Variants in GPC5 observed in about 807,000 individuals in gnomAD.
The protein encoded by GPC5 is glypican-5.
In GPC5, 47 loss-of-function variants were observed where a neutral mutation model predicts 53.9. The observed-to-expected ratio is 0.87, with a 90% CI of 0.69 to 1.11. GPC5 has a LOEUF of 1.11. Among genes scored for constraint, GPC5 ranks in the 50% most tolerant of loss-of-function variants. GPC5 has a pLI of 0.00. For synonymous variants in GPC5, 286 were observed against 263.3 expected, an observed-to-expected ratio of 1.09 and a Z score of -0.84; for missense variants, 748 against 713.1, an observed-to-expected ratio of 1.05 and a Z score of -0.56.
chr13:92,720,290 A>G (rs1216677455), intron 7 of GPC5, among the ~76,000 whole-genome samples: 1 of 152,190 alleles, frequency 6.6e-6, no homozygotes, highest in Non-Finnish European at 1.5e-5. Context: ...TATCATCCAT[A>G]TAGGCAGAAA....
chr13:92,233,849 C>G (rs944242593), intron 7 of GPC5, among the ~76,000 whole-genome samples: 1 of 151,998 alleles, frequency 6.6e-6, no homozygotes, highest in African/African-American at 2.4e-5. Context: ...TGATGTTCCC[C>G]TTCCTGTGTC....
intron 5 of GPC5, among the ~76,000 whole-genome samples, chr13:91,798,926 G>A (rs1035431211): frequency 6.6e-6 from 1 of 152,144 alleles, no homozygotes; most frequent in African/African-American, 2.4e-5. Context: ...GCATAAGATG[G>A]TGTCTCACTG....
intron 7 of GPC5, among the ~76,000 whole-genome samples, chr13:92,779,079 A>G (rs1448733254): frequency 6.6e-6 from 1 of 152,136 alleles, no homozygotes; most frequent in Non-Finnish European, 1.5e-5. Flanking sequence ...GACTGGGCAA[A>G]GAGACTTACT....
intron 6 of GPC5, among the ~76,000 whole-genome samples, chr13:92,059,266 C>T (rs2041102021): frequency 1.3e-5 from 2 of 150,940 alleles, no homozygotes; most frequent in Admixed American, 1.3e-4. Flanking sequence ...GGGTAATTAC[C>T]CATTATATAG....
intron 7 of GPC5, among the ~76,000 whole-genome samples, chr13:92,832,369 A>G (rs1878075974): frequency 6.6e-6 from 1 of 152,186 alleles, no homozygotes; most frequent in African/African-American, 2.4e-5. Flanking sequence ...ACTAGAACAC[A>G]AATTCTACAA....
intron 7 of GPC5, among the ~76,000 whole-genome samples, chr13:92,414,273 G>A (rs559272085): frequency 6.6e-6 from 1 of 152,216 alleles, no homozygotes; most frequent in African/African-American, 2.4e-5. Flanking sequence ...GGGAGGCTGA[G>A]GTGGGCTGAT....
At chr13:91,564,699 G>A (rs1194069837) in intron 2 of GPC5, among the ~76,000 whole-genome samples, 1 of 152,042 alleles carries the variant, frequency 6.6e-6, no homozygotes, top group Non-Finnish European at 1.5e-5. Flanking sequence ...TGAGATATGG[G>A]TGTAAATGGA....
chr13:91,667,344 C>T (rs2035139569), intron 2 of GPC5, among the ~76,000 whole-genome samples: 1 of 151,958 alleles, frequency 6.6e-6, no homozygotes, highest in East Asian at 1.9e-4. Context: ...TTTATATATG[C>T]CTTCTCTTTT....
intron 7 of GPC5, among the ~76,000 whole-genome samples, chr13:92,827,239 T>C (rs771027902): frequency 6.6e-6 from 1 of 152,004 alleles, no homozygotes; most frequent in Admixed American, 6.6e-5. Context: ...ACCTTCAGAG[T>C]AGGATTTTGC....
chr13:92,791,279 C>T (rs185050730), intron 7 of GPC5, among the ~76,000 whole-genome samples: 1 of 151,974 alleles, frequency 6.6e-6, no homozygotes, highest in South Asian at 2.1e-4. Flanking sequence ...TTTTCACTAA[C>T]TAAAAATTTA....
chr13:92,769,352 C>T (rs1268319908), intron 7 of GPC5, among the ~76,000 whole-genome samples: 1 of 151,976 alleles, frequency 6.6e-6, no homozygotes, highest in East Asian at 1.9e-4. Context: ...ACTGCAATGT[C>T]ATTTGTCTTC....
chr13:91,783,395 A>G (rs544509252), intron 5 of GPC5, among the ~76,000 whole-genome samples: 4 of 152,312 alleles, frequency 2.6e-5, no homozygotes, highest in African/African-American at 7.2e-5. Context: ...AACTGACAAA[A>G]GACAGTTTTA....
At chr13:92,445,748 C>T (rs1362102243) in intron 7 of GPC5, among the ~76,000 whole-genome samples, 1 of 151,894 alleles carries the variant, frequency 6.6e-6, no homozygotes, top group Non-Finnish European at 1.5e-5. Context: ...CAAGTCTTTG[C>T]TATCGTGAAT....
intron 7 of GPC5, among the ~76,000 whole-genome samples, chr13:92,503,426 T>C (rs1440117818): frequency 1.3e-5 from 2 of 151,734 alleles, no homozygotes; most frequent in African/African-American, 4.8e-5. Context: ...TAGCAGTTAA[T>C]GCTTACACAA....
At chr13:92,748,683 G>GT (rs1040235859) in intron 7 of GPC5, among the ~76,000 whole-genome samples, 6 of 151,944 alleles carry the variant, frequency 3.9e-5, no homozygotes, top group Admixed American at 1.3e-4. Context: ...ACAAATAGTT[G>GT]TTTTTTGTTT....
At chr13:92,493,158 T>C (rs2149061) in intron 7 of GPC5, among the ~76,000 whole-genome samples, 96,026 of 152,090 alleles carry the variant, frequency 0.63, 30,532 homozygotes, top group East Asian at 0.74. Flanking sequence ...TTAAAAATTC[T>C]CATCTGCATG....
At chr13:91,698,077 A>G (rs1376982942) in intron 3 of GPC5, among the ~76,000 whole-genome samples, 1 of 151,874 alleles carries the variant, frequency 6.6e-6, no homozygotes, top group African/African-American at 2.4e-5. Context: ...AATTTTTTGT[A>G]TCTTTAGTAG....
At chr13:91,645,652 A>G (rs1234455640) in intron 2 of GPC5, among the ~76,000 whole-genome samples, 1 of 152,218 alleles carries the variant, frequency 6.6e-6, no homozygotes, top group African/African-American at 2.4e-5. Flanking sequence ...CTACTACGTT[A>G]TGTATTACTG....
chr13:92,292,111 A>G (rs151249942), intron 7 of GPC5, among the ~76,000 whole-genome samples: 1 of 152,312 alleles, frequency 6.6e-6, no homozygotes, highest in East Asian at 1.9e-4. Flanking sequence ...TTGGTTCCAC[A>G]TTTTTGCAAT....
Sources: gnomAD v4.1 joint callset for allele counts (sites outside exome capture counted in the v4.1 genomes callset) on GRCh38, gnomAD v4.1.1 for gene constraint, MANE v1.5 for transcripts, NCBI Gene and HGNC (gene_info 2026-07-23, HGNC 2026-07-21) for gene names.